Variants in TMLHE observed in about 807,000 individuals in gnomAD.
TMLHE encodes the protein trimethyllysine dioxygenase, mitochondrial.
In TMLHE, 18 loss-of-function variants were observed where a neutral mutation model predicts 25.7. The ratio of observed to expected loss-of-function variants is 0.70; its 90% CI spans 0.48 to 1.04. TMLHE has a LOEUF of 1.04. Among genes scored for constraint, TMLHE ranks in the 50% least tolerant of loss-of-function variants. The probability of loss-of-function intolerance (pLI) is 0.00; values close to 1 mark genes in which losing one functional copy is unlikely to be tolerated. For missense variants in TMLHE, 236 were observed against 259.0 expected, an observed-to-expected ratio of 0.91 and a Z score of 0.61; for synonymous variants, 105 against 97.0, an observed-to-expected ratio of 1.08 and a Z score of -0.49.
Position 155,567,099 on chromosome X carries a change from T to C in TMLHE, c.-1-21822A>G, listed in dbSNP as rs2067513667. 3.2e-5 allele frequency among the ~76,000 whole-genome samples: 2 copies of C among 62,657 alleles called. 1 individual carries two copies. Among genetic ancestry groups the C allele is most frequent in the East Asian group, 1.4e-3 (2 of 1,421 alleles). 54.4% of individuals were successfully genotyped at this position (62,657 alleles called of 115,157 possible). A position where few individuals can be genotyped will look rare whatever the true frequency, so the allele number is the denominator to read the frequency against. On this transcript the variant is annotated intron_variant, in intron 1 of 7. Coordinates refer to ENST00000334398, the MANE Select transcript of TMLHE (RefSeq NM_018196.4). ...ATACTAAGAACTTAATACATTTTTA[T>C]GTGAATTAACAAATCAAGATCCAAC... is the stretch of plus-strand genomic sequence containing the variant.
rs1312073334 is a variant in TMLHE, at chrX:155,567,595, A to G, written c.-1-22318T>C. Among the ~76,000 whole-genome samples the G allele has an allele frequency of 6.4e-5, 4 of 62,311 alleles. 2 individuals are homozygous for G. Among genetic ancestry groups the G allele is most frequent in the African/African-American group, 1.4e-4 (4 of 28,049 alleles). 54.1% of individuals were successfully genotyped at this position (62,311 alleles called of 115,157 possible). A position where few individuals can be genotyped will look rare whatever the true frequency, so the allele number is the denominator to read the frequency against. ...CAAAGTTGTCAAAAACAACCACATC[A>G]TGACTCTGGAAACCGACAAAATCAT... is the stretch of plus-strand genomic sequence containing the variant. On this transcript the variant is annotated intron_variant, in intron 1 of 7. Coordinates refer to ENST00000334398, the MANE Select transcript of TMLHE (RefSeq NM_018196.4).
At chrX:155,546,436 C>A (rs1044583967) in intron 1 of TMLHE, among the ~76,000 whole-genome samples, 2 of 111,424 alleles carry the variant, frequency 1.8e-5, no homozygotes, top group Admixed American at 1.9e-4. Context: ...CAATGTGAAC[C>A]TTCTCAATTA....
In TMLHE at chrX:155,571,010, C is replaced by T; in HGVS notation, c.-1-25733G>A. Among the ~76,000 whole-genome samples, 2 of 56,547 alleles carry T rather than the reference C, an allele frequency of 3.5e-5. 1 individual carries two copies. The highest frequency in any genetic ancestry group is 9.2e-5 in the Non-Finnish European group (2 of 21,760). The allele number at this position is 56,547 out of a possible 115,157, so 49.1% of individuals were successfully genotyped here. ...AGCAGAACTGAAGGAAATAGAGACA[C>T]AAAAAGACTCTTCAAAAAATTAATG... On this transcript the variant is annotated intron_variant, in intron 1 of 7. Transcript: ENST00000334398.
intron 1 of TMLHE, among the ~76,000 whole-genome samples, chrX:155,548,124 C>G (rs1376147509): frequency 1.8e-5 from 2 of 111,868 alleles, no homozygotes; most frequent in Non-Finnish European, 3.8e-5. Context: ...AAATCTAAGA[C>G]CGCAAACTAT....
chrX:155,515,743 G>C (rs1009427692), intron 3 of TMLHE, among the ~76,000 whole-genome samples: 2 of 111,062 alleles, frequency 1.8e-5, no homozygotes, highest in African/African-American at 6.5e-5. Flanking sequence ...TTCTATATTT[G>C]TTAGACATCT....
chrX:155,569,992 C>T (rs2067537958), intron 1 of TMLHE, among the ~76,000 whole-genome samples: 1 of 55,593 alleles, frequency 1.8e-5, no homozygotes, highest in African/African-American at 4.3e-5. Flanking sequence ...ACAATATTAA[C>T]TTTAAATGTA....
At chrX:155,511,643 C>A in intron 5 of TMLHE, 30 bp downstream of exon 5, 1 of 1,175,031 alleles carries the variant, frequency 8.5e-7, no homozygotes, top group Admixed American at 2.3e-5. Context: ...CATATAAAGA[C>A]TTTACACTGT....
At chrX:155,567,797 G>A (rs1194022096) in intron 1 of TMLHE, among the ~76,000 whole-genome samples, 1 of 61,821 alleles carries the variant, frequency 1.6e-5, no homozygotes, top group African/African-American at 3.6e-5. Flanking sequence ...GATGGAGGGT[G>A]CTGCCATCAT....
At chrX:155,548,607 C>T (rs782592504) in intron 1 of TMLHE, among the ~76,000 whole-genome samples, 8 of 108,607 alleles carry the variant, frequency 7.4e-5, no homozygotes, top group Middle Eastern at 4.6e-3. Context: ...TGGTGGCACA[C>T]ACCTGTATTC....
chrX:155,550,177 T>A (rs2067405413), intron 1 of TMLHE, among the ~76,000 whole-genome samples: 1 of 110,897 alleles, frequency 9.0e-6, no homozygotes, highest in Admixed American at 9.6e-5. Context: ...AGTGCTGCAG[T>A]CAACATACGT....
At chrX:155,535,805 A>T (rs1054097229) in intron 2 of TMLHE, among the ~76,000 whole-genome samples, 1 of 111,810 alleles carries the variant, frequency 8.9e-6, no homozygotes, top group African/African-American at 3.3e-5. Flanking sequence ...GAATCCCTTA[A>T]GTAGTTTCCC....
At chrX:155,515,688 G>A (rs1053626052) in intron 3 of TMLHE, among the ~76,000 whole-genome samples, 19 of 111,122 alleles carry the variant, frequency 1.7e-4, no homozygotes, top group African/African-American at 6.2e-4. Context: ...CTGCTATCTT[G>A]TAATAATTTT....
intron 5 of TMLHE, among the ~76,000 whole-genome samples, chrX:155,509,412 C>T (rs2067093728): frequency 9.0e-6 from 1 of 111,605 alleles, no homozygotes; most frequent in Non-Finnish European, 1.9e-5. Flanking sequence ...ATGCCATAGC[C>T]TGAACTCTTA....
Position 155,569,648 on chromosome X carries a change from C to T in TMLHE, c.-1-24371G>A, listed in dbSNP as rs1324218880. ...TAACAGTGGATCTCTCGGCAGAAAC[C>T]CTACAAGCCAGAAGAGAGTGGGGGC... On this transcript the variant is annotated intron_variant, in intron 1 of 7. Transcript: ENST00000334398. Among the ~76,000 whole-genome samples the T allele has an allele frequency of 5.4e-5, 3 of 55,261 alleles. 1 individual carries two copies. The highest frequency in any genetic ancestry group is 1.3e-4 in the African/African-American group (3 of 22,840). The allele number at this position is 55,261 out of a possible 115,157, so 48.0% of individuals were successfully genotyped here. A position where few individuals can be genotyped will look rare whatever the true frequency, so the allele number is the denominator to read the frequency against.
At chrX:155,584,414 G>A (rs1196857796) in intron 1 of TMLHE, among the ~76,000 whole-genome samples, 1 of 111,320 alleles carries the variant, frequency 9.0e-6, no homozygotes, top group Non-Finnish European at 1.9e-5. Context: ...TCTCAAGGCT[G>A]AAGAGAGAAC....
At chrX:155,510,400 T>A (rs1414438119) in intron 5 of TMLHE, among the ~76,000 whole-genome samples, 1 of 36,282 alleles carries the variant, frequency 2.8e-5, no homozygotes, top group Admixed American at 4.8e-4. Flanking sequence ...CCCTCCCCCC[T>A]CCCCCCACCC....
intron 3 of TMLHE, among the ~76,000 whole-genome samples, chrX:155,523,479 T>C (rs1431734576): frequency 3.6e-5 from 4 of 111,656 alleles, no homozygotes; most frequent in African/African-American, 1.3e-4. Flanking sequence ...ATAAGTTGAC[T>C]ATATTTCTGT....
At position 155,549,809 on chromosome X, in the gene TMLHE, G is replaced by C. The variant is rs782809077; in HGVS notation, c.-1-4532C>G. ...TTGTTACATAGGTATACAAACCATG[G>C]TGGTTTGCTGCACCCATAAACCCGT... On this transcript the variant is annotated intron_variant, in intron 1 of 7. Transcript: ENST00000334398. 4.9e-4 allele frequency among the ~76,000 whole-genome samples: 54 copies of C among 109,305 alleles called. 1 individual carries two copies. Among genetic ancestry groups the C allele is most frequent in the Non-Finnish European group, 7.8e-4 (41 of 52,636 alleles). The allele number at this position is 109,305 out of a possible 115,157, so 94.9% of individuals were successfully genotyped here. A position where few individuals can be genotyped will look rare whatever the true frequency, so the allele number is the denominator to read the frequency against.
intron 1 of TMLHE, among the ~76,000 whole-genome samples, chrX:155,557,310 C>T (rs1472572854): frequency 1.8e-5 from 2 of 112,048 alleles, no homozygotes; most frequent in Non-Finnish European, 3.8e-5. Context: ...ATTTGGGGAA[C>T]TAATAAATGT....
Sources: allele counts gnomAD v4.1 joint callset (sites outside exome capture counted in the v4.1 genomes callset), GRCh38; gene constraint gnomAD v4.1.1; transcripts MANE v1.5; gene names NCBI Gene and HGNC (gene_info 2026-07-23, HGNC 2026-07-21).